The following FGFR2 variants were observed in gnomAD, a reference collection of about 807,000 sequenced individuals.
FGFR2 encodes the protein fibroblast growth factor receptor 2, also known as BEK fibroblast growth factor receptor.
A neutral mutation model predicts 95.9 loss-of-function variants in FGFR2; 19 were observed. The ratio of observed to expected loss-of-function variants is 0.20; its 90% CI spans 0.14 to 0.29. FGFR2 has a LOEUF of 0.29. Ranked by LOEUF, FGFR2 falls within the 10% of genes least tolerant of loss-of-function variation. The probability of loss-of-function intolerance (pLI) is 1.00; values close to 1 mark genes in which losing one functional copy is unlikely to be tolerated. For synonymous variants in FGFR2, 392 were observed against 393.3 expected, an observed-to-expected ratio of 1.00 and a Z score of 0.04; for missense variants, 707 against 1,056.9, an observed-to-expected ratio of 0.67 and a Z score of 4.59.
chr10:121,571,566 C>T (rs1858729553), intron 2 of FGFR2, among the ~76,000 whole-genome samples: 1 of 151,500 alleles, frequency 6.6e-6, no homozygotes, highest in African/African-American at 2.4e-5. Context: ...CTCCGCCTCC[C>T]AAAGTGCTAG....
At chr10:121,513,265 C>T (rs1849290394) in intron 9 of FGFR2, among the ~76,000 whole-genome samples, 1 of 152,168 alleles carries the variant, frequency 6.6e-6, no homozygotes, top group South Asian at 2.1e-4. Flanking sequence ...TGTCAACTTC[C>T]AATGTCTGCC....
intron 2 of FGFR2, among the ~76,000 whole-genome samples, chr10:121,580,709 G>A (rs1220290564): frequency 6.6e-6 from 1 of 152,196 alleles, no homozygotes; most frequent in Non-Finnish European, 1.5e-5. Context: ...GGGATCCTGA[G>A]CCAGAGGACT....
intron 14 of FGFR2, 140 bp downstream of exon 14, chr10:121,487,851 A>G: frequency 1.9e-6 from 2 of 1,039,132 alleles, no homozygotes; most frequent in Non-Finnish European, 2.9e-6. Flanking sequence ...TGTGAATAGT[A>G]AGTCAAAAGA....
chr10:121,486,065 T>A (rs1443341575), intron 15 of FGFR2, among the ~76,000 whole-genome samples: 2 of 152,196 alleles, frequency 1.3e-5, no homozygotes, highest in Non-Finnish European at 2.9e-5. Context: ...CCAGATGAGT[T>A]GCACACAACA....
At chr10:121,515,046 G>T in intron 9 of FGFR2, 71 bp downstream of exon 9, 1 of 1,442,632 alleles carries the variant, frequency 6.9e-7, no homozygotes, top group Non-Finnish European at 9.7e-7. Flanking sequence ...CATCAAAGCA[G>T]AGGACAAGAT....
In FGFR2 at chr10:121,518,686, C is replaced by T. The variant is rs775849795; in HGVS notation, c.940-1223G>A. ...CAAAAATGAAAGCATTGTTACCTTG[C>T]TGTTTTGGCAGGACAGTGAGCCAGG... On this transcript the variant is annotated intron_variant, in intron 7 of 17. Coordinates refer to ENST00000358487, the MANE Select transcript of FGFR2 (RefSeq NM_000141.5). The surrounding 1 kb of genome is among the most constrained non-coding windows in gnomAD (Gnocchi z 4.0). 1.3e-5 allele frequency: 21 copies of T among 1,614,090 alleles called. No homozygotes were observed. In the Admixed American group the frequency reaches 3.0e-4, roughly 23 times the overall value.
chr10:121,507,182 G>C (rs1246332232), intron 9 of FGFR2, among the ~76,000 whole-genome samples: 5 of 152,174 alleles, frequency 3.3e-5, no homozygotes, highest in African/African-American at 9.7e-5. Context: ...CAATAACATG[G>C]GACTGTGCGG....
At chr10:121,554,453 C>T (rs1855835709) in intron 4 of FGFR2, among the ~76,000 whole-genome samples, 1 of 151,642 alleles carries the variant, frequency 6.6e-6, no homozygotes, top group Non-Finnish European at 1.5e-5. Context: ...ATTCTCCTGC[C>T]TCAGCCTCCC....
intron 13 of FGFR2, among the ~76,000 whole-genome samples, chr10:121,489,972 C>T (rs530675509): frequency 6.6e-6 from 1 of 152,260 alleles, no homozygotes; most frequent in Admixed American, 6.5e-5. Context: ...TCTACCATGG[C>T]CAATGCCCGT....
At position 121,487,355 on chromosome 10, in the gene FGFR2, C is replaced by T. The variant is rs760895785; in HGVS notation, c.2056G>A (p.Val686Ile). 1.7e-5 allele frequency: 27 copies of T among 1,612,382 alleles called. No individual in the cohort carries two copies. The highest frequency in any genetic ancestry group is 2.2e-5 in the Non-Finnish European group (26 of 1,178,402). The change falls in exon 15 of 18, where the codon GTC (valine) becomes ATC (isoleucine). Residue 686 changes from valine to isoleucine, a missense_variant and splice_region_variant. Physicochemically the swap from Val to Ile is conservative, Grantham distance 29. Transcript: ENST00000358487. ...GCCAGAGAAAAGAGAGTTACTCACA[C>T]ATCACTCTGATGAGTGTATACTCTA... is the stretch of plus-strand genomic sequence containing the variant. Reference protein sequence around the residue: ...FDRVYTHQSDVWSFGVLMWEI... With the variant: ...FDRVYTHQSDIWSFGVLMWEI...
At chr10:121,498,662 T>TA in intron 11 of FGFR2, 57 bp from the exon 12 acceptor site, 9 of 1,416,546 alleles carry the variant, frequency 6.4e-6, no homozygotes, top group South Asian at 1.1e-5. Context: ...CATGGGCAGC[T>TA]ACTGTTAGTT....
intron 4 of FGFR2, among the ~76,000 whole-genome samples, chr10:121,561,413 AAAC>A (rs1856942525): frequency 6.6e-6 from 1 of 150,668 alleles, no homozygotes; most frequent in African/African-American, 2.5e-5. Context: ...AACAAGAGCG[AAAC>A]TCCCATCTCA....
intron 6 of FGFR2, among the ~76,000 whole-genome samples, chr10:121,524,146 A>ACACCCCCCCCC (rs142755962): frequency 3.7e-5 from 5 of 136,884 alleles, no homozygotes; most frequent in Admixed American, 7.2e-5. Flanking sequence ...ACACACACAC[A>ACACCCCCCCCC]CCCCAAGTTT....
chr10:121,515,318 C>G lies in FGFR2; in HGVS notation c.1086G>C (p.Ala362=), dbSNP rs151250769. Reference sequence around the variant, plus strand: ...CTGTAATCTCCTTTTCTCTTCCAGGCGCTAGATTGCAGATCACAGGAGGAG... The same window carrying G: ...CTGTAATCTCCTTTTCTCTTCCAGGGGCTAGATTGCAGATCACAGGAGGAG... The part of the protein sequence containing the change: ...FHSAWLTVLP[A]PGREKEITAS... The change falls in exon 9 of 18, where the codon GCG becomes GCC. Residue 362 remains alanine, a splice_region_variant and synonymous_variant. Transcript: ENST00000358487. The G allele has an allele frequency of 1.2e-6, 2 of 1,614,038 alleles. No homozygotes were observed. The highest frequency in any genetic ancestry group is 1.7e-5 in the Admixed American group (1 of 60,004).
At chr10:121,519,770 G>GT (rs924661350) in intron 7 of FGFR2, among the ~76,000 whole-genome samples, 36 of 152,288 alleles carry the variant, frequency 2.4e-4, no homozygotes, top group African/African-American at 8.2e-4. Context: ...TCTTCCCCAA[G>GT]TTTAGTAGTT....
intron 2 of FGFR2, among the ~76,000 whole-genome samples, chr10:121,573,556 G>C (rs536709971): frequency 2.0e-5 from 3 of 151,156 alleles, no homozygotes; most frequent in African/African-American, 7.4e-5. Context: ...GAGAGGGAGA[G>C]GGGGAAAAAG....
chr10:121,564,967 C>G lies in FGFR2; in HGVS notation c.377-388G>C, dbSNP rs929657797. 3.3e-5 allele frequency among the ~76,000 whole-genome samples: 5 copies of G among 152,110 alleles called. No homozygotes were observed. In the East Asian group the frequency reaches 9.6e-4, roughly 29 times the overall value. ...CTTGAAGAAAGAAATTGATCCCTAA[C>G]AAAACTCAGTCCCTGTGTGGCCCTT... On this transcript the variant is annotated intron_variant, in intron 3 of 17. Transcript: ENST00000358487.
At chr10:121,562,264 A>G (rs963335879) in intron 4 of FGFR2, among the ~76,000 whole-genome samples, 1 of 151,970 alleles carries the variant, frequency 6.6e-6, no homozygotes, top group Non-Finnish European at 1.5e-5. Context: ...AACTGTCAAA[A>G]CTTGGAAGCA....
At position 121,593,810 on chromosome 10, in the gene FGFR2, C is replaced by G. The variant is rs1271629959; in HGVS notation, c.8G>C (p.Ser3Thr). The change falls in exon 2 of 18, where the codon AGC becomes ACC. Residue 3 changes from serine to threonine, a missense_variant. By Grantham distance (58) the Ser-to-Thr change is moderately conservative (BLOSUM62 1). Transcript: ENST00000358487. MV[S>T]WGRFICLVVV... ...GACCAGGCAGATGAAACGACCCCAG[C>G]TGACCATGGTTACGGTACCAATCCC... The G allele has an allele frequency of 6.2e-7, 1 of 1,614,178 alleles. No individual in the cohort carries two copies. The highest frequency in any genetic ancestry group is 8.5e-7 in the Non-Finnish European group (1 of 1,180,002).
Sources: allele counts gnomAD v4.1 joint callset (sites outside exome capture counted in the v4.1 genomes callset), GRCh38; gene constraint gnomAD v4.1.1; non-coding constraint Gnocchi (gnomAD v3.1); transcripts MANE v1.5; gene names NCBI Gene and HGNC (gene_info 2026-07-23, HGNC 2026-07-21).